Variants in SPOCK3 observed in about 807,000 individuals in gnomAD.
SPOCK3 encodes SPARC (osteonectin), cwcv and kazal like domains proteoglycan 3.
SPOCK3 carries 30 observed loss-of-function variants against 56.6 expected under a neutral mutation model. The ratio of observed to expected loss-of-function variants is 0.53; its 90% CI spans 0.40 to 0.72. The LOEUF (loss-of-function observed/expected upper bound fraction) is 0.72, where lower values mean the gene tolerates loss of function less well. Ranked by LOEUF, SPOCK3 falls within the 30% of genes least tolerant of loss-of-function variation. The pLI, the probability that SPOCK3 is intolerant of heterozygous loss-of-function variation, is 0.00. For synonymous variants in SPOCK3, 196 were observed against 183.3 expected, an observed-to-expected ratio of 1.07 and a Z score of -0.56; for missense variants, 527 against 530.0, an observed-to-expected ratio of 0.99 and a Z score of 0.06.
chr4:167,108,006 C>T lies in SPOCK3; in HGVS notation c.190-45469G>A, dbSNP rs1396779810. Among the ~76,000 whole-genome samples, 3 of 151,754 alleles carry T rather than the reference C, an allele frequency of 2.0e-5. No homozygotes were observed. The East Asian group carries it at 5.8e-4, about 29-fold the overall frequency. ...AAACATGAGAAAAGGTCTGAATAGACATTTGCCAAATGAAGACATACAAAT... is the reference window on the plus strand; with the variant it reads ...AAACATGAGAAAAGGTCTGAATAGATATTTGCCAAATGAAGACATACAAAT... On this transcript the variant is annotated intron_variant, in intron 2 of 10. Transcript: ENST00000357545.
intron 6 of SPOCK3, among the ~76,000 whole-genome samples, chr4:166,877,540 C>G (rs1733221956): frequency 6.6e-6 from 1 of 152,014 alleles, no homozygotes. Context: ...CTATTAAATA[C>G]TAGATCTTTG....
rs1367222232 is a variant in SPOCK3 at position 167,205,897 on chromosome 4, C to T, written c.189+28088G>A. 2.0e-5 allele frequency among the ~76,000 whole-genome samples: 3 copies of T among 151,692 alleles called. No homozygotes were observed. In the Admixed American group the frequency reaches 2.0e-4, roughly 10 times the overall value. On this transcript the variant is annotated intron_variant, in intron 2 of 10. Transcript: ENST00000357545. ...GTGCTGGGATTACAGGCATAAGCCA[C>T]CGCATCCAGCCCCAAAATAATTTTT...
At chr4:167,080,877 T>A (rs1757640285) in intron 2 of SPOCK3, among the ~76,000 whole-genome samples, 1 of 148,520 alleles carries the variant, frequency 6.7e-6, no homozygotes, top group Admixed American at 6.7e-5. Context: ...TCTCTTTCTT[T>A]CTTTTTTTTT....
At chr4:166,806,910 A>G (rs2126709820) in intron 6 of SPOCK3, among the ~76,000 whole-genome samples, 1 of 152,114 alleles carries the variant, frequency 6.6e-6, no homozygotes, top group South Asian at 2.1e-4. Flanking sequence ...CCTACCTATA[A>G]TAAACTTTAA....
chr4:167,023,165 T>C lies in SPOCK3; in HGVS notation c.236-22702A>G, dbSNP rs1022329664. Among the ~76,000 whole-genome samples the C allele has an allele frequency of 4.6e-5, 7 of 152,102 alleles. No homozygotes were observed. The East Asian group carries it at 1.4e-3, about 30-fold the overall frequency. ...TCTGGATACAGATGTTTGCCAAAAC[T>C]GCCAAGAGCAGAGGTCATTGCTGAG... On this transcript the variant is annotated intron_variant, in intron 3 of 10. Transcript: ENST00000357545.
chr4:166,824,086 G>A (rs147335387), intron 6 of SPOCK3, among the ~76,000 whole-genome samples: 2 of 151,978 alleles, frequency 1.3e-5, no homozygotes, highest in African/African-American at 2.4e-5. Flanking sequence ...ATTCCAGTGC[G>A]CCTCTACATT....
chr4:167,091,513 GAT>G (rs1273942772), intron 2 of SPOCK3, among the ~76,000 whole-genome samples: 1 of 152,010 alleles, frequency 6.6e-6, no homozygotes, highest in Non-Finnish European at 1.5e-5. Context: ...ATTATATATT[GAT>G]ATTTAAATGT....
At chr4:166,879,654 A>C (rs562549258) in intron 6 of SPOCK3, among the ~76,000 whole-genome samples, 91 of 152,304 alleles carry the variant, frequency 6.0e-4, no homozygotes, top group African/African-American at 1.8e-3. Flanking sequence ...GTGTTCTTTG[A>C]ACTCCACTGA....
intron 2 of SPOCK3, among the ~76,000 whole-genome samples, chr4:167,077,306 C>T (rs1022103457): frequency 1.3e-5 from 2 of 151,344 alleles, no homozygotes; most frequent in Non-Finnish European, 3.0e-5. Context: ...TCTTTAGAGA[C>T]AAATAATCCT....
chr4:167,101,996 C>A (rs1461975210), intron 2 of SPOCK3, among the ~76,000 whole-genome samples: 1 of 151,944 alleles, frequency 6.6e-6, no homozygotes. Flanking sequence ...CTGCACCTGG[C>A]CCTCTTACTT....
At chr4:166,800,380 C>G (rs1350235077) in intron 6 of SPOCK3, among the ~76,000 whole-genome samples, 1 of 151,864 alleles carries the variant, frequency 6.6e-6, no homozygotes, top group Non-Finnish European at 1.5e-5. Context: ...TTGGTCAGAT[C>G]CTTCAGGAGG....
intron 2 of SPOCK3, among the ~76,000 whole-genome samples, chr4:167,177,189 G>A (rs1731059066): frequency 6.6e-6 from 1 of 152,076 alleles, no homozygotes; most frequent in Admixed American, 6.6e-5. Flanking sequence ...TGAGTAACCT[G>A]AGAGCAGGGG....
intron 8 of SPOCK3, among the ~76,000 whole-genome samples, chr4:166,742,917 G>A (rs1031650057): frequency 5.9e-5 from 9 of 151,828 alleles, no homozygotes; most frequent in African/African-American, 1.9e-4. Flanking sequence ...TCAACCAACC[G>A]CTAATTGAAA....
chr4:166,956,099 G>A (rs529541775), intron 4 of SPOCK3, among the ~76,000 whole-genome samples: 2 of 151,944 alleles, frequency 1.3e-5, no homozygotes, highest in South Asian at 2.1e-4. Flanking sequence ...CCCAAATTCA[G>A]CCACTCACTT....
intron 2 of SPOCK3, among the ~76,000 whole-genome samples, chr4:167,219,172 A>C (rs947940912): frequency 6.6e-6 from 1 of 152,212 alleles, no homozygotes; most frequent in East Asian, 1.9e-4. Context: ...TCCGAGGAGA[A>C]TATCAGATGT....
chr4:166,992,287 T>C (rs779611669), intron 4 of SPOCK3, among the ~76,000 whole-genome samples: 1 of 152,142 alleles, frequency 6.6e-6, no homozygotes, highest in Admixed American at 6.6e-5. Context: ...TGTTACCTTA[T>C]CCACATGTTG....
intron 5 of SPOCK3, among the ~76,000 whole-genome samples, chr4:166,899,367 T>C (rs1394100285): frequency 6.6e-6 from 1 of 151,950 alleles, no homozygotes; most frequent in Non-Finnish European, 1.5e-5. Context: ...GCTTTTCCTA[T>C]GCAGATGATA....
intron 2 of SPOCK3, among the ~76,000 whole-genome samples, chr4:167,164,356 A>G (rs975270326): frequency 6.6e-6 from 1 of 152,158 alleles, no homozygotes; most frequent in Non-Finnish European, 1.5e-5. Flanking sequence ...AAGTCAGTAT[A>G]CATGAATTTG....
At chr4:167,050,224 G>A (rs563051564) in intron 3 of SPOCK3, among the ~76,000 whole-genome samples, 93 of 152,192 alleles carry the variant, frequency 6.1e-4, no homozygotes, top group African/African-American at 2.2e-3. Context: ...GTTTTAATAA[G>A]AACTCTTTCT....
Sources: gnomAD v4.1 joint callset for allele counts (sites outside exome capture counted in the v4.1 genomes callset) on GRCh38, gnomAD v4.1.1 for gene constraint, MANE v1.5 for transcripts, NCBI Gene and HGNC (gene_info 2026-07-23, HGNC 2026-07-21) for gene names.